The following UST variants were observed in gnomAD, a reference collection of about 807,000 sequenced individuals.
UST encodes the protein uronyl 2-sulfotransferase.
Under a neutral mutation model 45.6 loss-of-function variants are expected in UST, and 21 were observed. That is an observed-to-expected ratio of 0.46 (90% confidence interval 0.33 to 0.66). The LOEUF (loss-of-function observed/expected upper bound fraction) is 0.66, where lower values mean the gene tolerates loss of function less well. Among genes scored for constraint, UST ranks in the 30% least tolerant of loss-of-function variants. The pLI is 0.02. For synonymous variants in UST, 215 were observed against 200.6 expected, an observed-to-expected ratio of 1.07 and a Z score of -0.61; for missense variants, 463 against 512.4, an observed-to-expected ratio of 0.90 and a Z score of 0.93.
intron 7 of UST, among the ~76,000 whole-genome samples, chr6:149,036,543 G>A (rs541180107): frequency 6.6e-6 from 1 of 152,284 alleles, no homozygotes; most frequent in South Asian, 2.1e-4. Context: ...CATGTAATCA[G>A]CCCACTACAT....
intron 3 of UST, among the ~76,000 whole-genome samples, chr6:148,942,420 T>A (rs368682190): frequency 6.6e-6 from 1 of 152,014 alleles, no homozygotes; most frequent in African/African-American, 2.4e-5. Context: ...TAGCTGGGCA[T>A]GGTGGCACGT....
At chr6:148,868,914 A>G (rs1160397936) in intron 1 of UST, among the ~76,000 whole-genome samples, 1 of 152,176 alleles carries the variant, frequency 6.6e-6, no homozygotes, top group Non-Finnish European at 1.5e-5. Flanking sequence ...GTTACACTTT[A>G]TGTTTGTATG....
At chr6:149,059,595 C>G (rs58924506) in intron 7 of UST, among the ~76,000 whole-genome samples, 5,852 of 152,276 alleles carry the variant, frequency 0.038, 370 homozygotes, top group African/African-American at 0.13. Flanking sequence ...GAAGAAAGAG[C>G]CTGTGTTTTT....
chr6:148,861,312 T>C (rs1778307865), intron 1 of UST, among the ~76,000 whole-genome samples: 1 of 152,202 alleles, frequency 6.6e-6, no homozygotes, highest in Non-Finnish European at 1.5e-5. Context: ...TCTCTGATGG[T>C]AGTTTGTATT....
chr6:148,860,062 T>C (rs931383411), intron 1 of UST, among the ~76,000 whole-genome samples: 1 of 152,246 alleles, frequency 6.6e-6, no homozygotes, highest in Non-Finnish European at 1.5e-5. Flanking sequence ...GGGGATGGCA[T>C]TGAATCTACA....
intron 1 of UST, among the ~76,000 whole-genome samples, chr6:148,766,754 T>A (rs1776332142): frequency 6.6e-6 from 1 of 152,200 alleles, no homozygotes; most frequent in South Asian, 2.1e-4. Flanking sequence ...AATACAGATA[T>A]GTGTTCATTT....
intron 1 of UST, among the ~76,000 whole-genome samples, chr6:148,795,173 T>C (rs547839275): frequency 6.6e-6 from 1 of 152,256 alleles, no homozygotes; most frequent in Non-Finnish European, 1.5e-5. Context: ...TTCAAAACTT[T>C]ACAAAGCTGT....
rs60990121 is a variant in UST, at chr6:148,946,813, CAAAAAAA to C, written c.447+5402_447+5408del. ...TGGGCGACAGAGCGAGACTCCATCC[CAAAAAAA>C]AAAAAAAAAAAAAAAAAAAAAAGGT... On this transcript the variant is annotated intron_variant, in intron 3 of 7. Coordinates refer to ENST00000367463, the MANE Select transcript of UST (RefSeq NM_005715.3). Among the ~76,000 whole-genome samples the C allele has an allele frequency of 3.8e-3, 217 of 56,828 alleles. 1 individual carries two copies. The highest frequency in any genetic ancestry group is 4.4e-3 in the Non-Finnish European group (150 of 33,866). 37.3% of individuals were successfully genotyped at this position (56,828 alleles called of 152,430 possible).
chr6:148,844,344 T>G (rs1777943903), intron 1 of UST, among the ~76,000 whole-genome samples: 1 of 152,242 alleles, frequency 6.6e-6, no homozygotes, highest in African/African-American at 2.4e-5. Context: ...GCCCCAGGTC[T>G]TACAGTTAGT....
chr6:148,859,681 G>A (rs1351208203), intron 1 of UST, among the ~76,000 whole-genome samples: 1 of 152,184 alleles, frequency 6.6e-6, no homozygotes, highest in Non-Finnish European at 1.5e-5. Flanking sequence ...TAAGGTGTAA[G>A]GAAGGGATCC....
At chr6:149,068,745 C>T (rs1481701867) in intron 7 of UST, among the ~76,000 whole-genome samples, 1 of 152,100 alleles carries the variant, frequency 6.6e-6, no homozygotes, top group Admixed American at 6.5e-5. Context: ...GTGTTAGGAA[C>T]ATTTGAATTT....
intron 3 of UST, among the ~76,000 whole-genome samples, chr6:148,942,225 G>T (rs957630045): frequency 6.6e-6 from 1 of 152,048 alleles, no homozygotes; most frequent in Admixed American, 6.5e-5. Context: ...CCAATGAGTG[G>T]TACCTGCATG....
intron 1 of UST, among the ~76,000 whole-genome samples, chr6:148,874,923 C>G (rs1778620069): frequency 6.6e-6 from 1 of 152,228 alleles, no homozygotes; most frequent in Admixed American, 6.5e-5. Flanking sequence ...TTGTCTTCAA[C>G]AGTGACTCCT....
rs530201411 is a variant in UST at position 149,069,620 on chromosome 6, C to A, written c.938-4213C>A. Among the ~76,000 whole-genome samples, 9 of 152,310 alleles carry A rather than the reference C, an allele frequency of 5.9e-5. 1 individual carries two copies. The East Asian group carries it at 1.7e-3, about 29-fold the overall frequency. ...TGCTCTGCCCATCCACCAACTCCCCCATCCTAACCATAGAGGAAGGCATTC... is the reference window on the plus strand; with the variant it reads ...TGCTCTGCCCATCCACCAACTCCCCAATCCTAACCATAGAGGAAGGCATTC... On this transcript the variant is annotated intron_variant, in intron 7 of 7. Coordinates refer to ENST00000367463, the MANE Select transcript of UST (RefSeq NM_005715.3).
At chr6:148,885,280 A>G (rs190701976) in intron 1 of UST, among the ~76,000 whole-genome samples, 73 of 152,190 alleles carry the variant, frequency 4.8e-4, no homozygotes, top group Admixed American at 9.2e-4. Context: ...TCCCCTGGGG[A>G]AGGCATATTC....
chr6:148,767,264 C>G (rs1287080044), intron 1 of UST, among the ~76,000 whole-genome samples: 1 of 152,178 alleles, frequency 6.6e-6, no homozygotes, highest in Non-Finnish European at 1.5e-5. Context: ...TTTCATTCAC[C>G]AGTTTGATTG....
At chr6:148,778,526 C>T (rs895529402) in intron 1 of UST, among the ~76,000 whole-genome samples, 2 of 152,194 alleles carry the variant, frequency 1.3e-5, no homozygotes, top group Admixed American at 1.3e-4. Context: ...CGAACACTGG[C>T]ACCATGGCTT....
Position 148,838,975 on chromosome 6 carries a change from A to G in UST, c.248-48011A>G, listed in dbSNP as rs541304560. Among the ~76,000 whole-genome samples, 73 of 152,256 alleles carry G rather than the reference A, an allele frequency of 4.8e-4. 1 individual carries two copies. In the South Asian group the frequency reaches 0.014, roughly 29 times the overall value. On this transcript the variant is annotated intron_variant, in intron 1 of 7. Coordinates refer to ENST00000367463, the MANE Select transcript of UST (RefSeq NM_005715.3). ...ATGCAGCTGCCCAATATTCAATTTC[A>G]TTATCTATTTAACCGGCTAATATTC... is the stretch of plus-strand genomic sequence containing the variant.
At chr6:148,940,628 A>T (rs1780107757) in intron 2 of UST, among the ~76,000 whole-genome samples, 1 of 152,226 alleles carries the variant, frequency 6.6e-6, no homozygotes, top group African/African-American at 2.4e-5. Context: ...CCTTCAAAAA[A>T]TTAAACCTAC....
Sources: gnomAD v4.1 joint callset for allele counts (sites outside exome capture counted in the v4.1 genomes callset) on GRCh38, gnomAD v4.1.1 for gene constraint, MANE v1.5 for transcripts, NCBI Gene and HGNC (gene_info 2026-07-23, HGNC 2026-07-21) for gene names.